Variants in PSMA3 observed in about 807,000 individuals in gnomAD.
PSMA3 encodes proteasome subunit alpha type-3.
PSMA3 carries 8 observed loss-of-function variants against 40.0 expected under a neutral mutation model. The ratio of observed to expected loss-of-function variants is 0.20; its 90% CI spans 0.12 to 0.36. The LOEUF is 0.36. PSMA3 is among the 10% of genes least tolerant of loss of function. The probability of loss-of-function intolerance (pLI) is 1.00; values close to 1 mark genes in which losing one functional copy is unlikely to be tolerated. For synonymous variants in PSMA3, 110 were observed against 100.0 expected, an observed-to-expected ratio of 1.10 and a Z score of -0.59; for missense variants, 219 against 310.6, an observed-to-expected ratio of 0.70 and a Z score of 2.22.
intron 6 of PSMA3, among the ~76,000 whole-genome samples, chr14:58,261,693 C>G (rs1379066616): frequency 6.6e-6 from 1 of 150,886 alleles, no homozygotes; most frequent in African/African-American, 2.4e-5. Context: ...TTCAGCCTCT[C>G]AACTCCTGGG....
rs535250753 is a variant in PSMA3, at chr14:58,257,606, T to TCTAA, written c.229-139_229-138insCTAA. 516 of 638,254 alleles carry TCTAA rather than the reference T, an allele frequency of 8.1e-4. 1 individual carries two copies. Among genetic ancestry groups the TCTAA allele is most frequent in the South Asian group, 6.9e-3 (337 of 48,962 alleles). 39.5% of individuals were successfully genotyped at this position (638,254 alleles called of 1,614,324 possible). A position where few individuals can be genotyped will look rare whatever the true frequency, so the allele number is the denominator to read the frequency against. ...CATACTCAAGCATCAAAATGCCTTG[T>TCTAA]AGAGAGACCTTTAAGCCAAAAAAGT... On this transcript the variant is annotated intron_variant, in intron 3 of 10. Transcript: ENST00000216455.
rs1489442918 is a variant in PSMA3 at position 58,257,802 on chromosome 14, G to A, written c.286G>A (p.Ala96Thr). The A allele has an allele frequency of 6.2e-7, 1 of 1,613,488 alleles. No individual in the cohort carries two copies. The highest frequency in any genetic ancestry group is 1.7e-5 in the Admixed American group (1 of 59,988). Residue 96 changes from alanine to threonine, a missense_variant, in exon 4 of 11, where the codon GCT becomes ACT. Transcript: ENST00000216455. ...RSLADIAREEASNFRSNFGYN... is the reference protein window; with the variant it reads ...RSLADIAREETSNFRSNFGYN... Reference sequence around the variant, plus strand: ...TTTAGCAGACATAGCAAGAGAAGAAGCTTCCAACTTCAGATCTAACTTTGG... The same window carrying A: ...TTTAGCAGACATAGCAAGAGAAGAAACTTCCAACTTCAGATCTAACTTTGG...
chr14:58,255,013 T>A (rs1890110945), intron 3 of PSMA3, among the ~76,000 whole-genome samples: 1 of 152,192 alleles, frequency 6.6e-6, no homozygotes, highest in Non-Finnish European at 1.5e-5. Flanking sequence ...CACTTTTAAA[T>A]TCTGTAACTG....
intron 3 of PSMA3, among the ~76,000 whole-genome samples, chr14:58,253,884 G>A (rs569561597): frequency 7.2e-5 from 11 of 152,326 alleles, no homozygotes; most frequent in East Asian, 5.8e-4. Context: ...GTGAGCCAGC[G>A]TGCCCAGCCT....
At chr14:58,253,580 G>C (rs1594825372) in intron 3 of PSMA3, among the ~76,000 whole-genome samples, 1 of 151,610 alleles carries the variant, frequency 6.6e-6, no homozygotes, top group East Asian at 1.9e-4. Flanking sequence ...TTTTTATTTT[G>C]CTGCAAATGA....
chr14:58,271,394 A>T (rs1890619767), intron 10 of PSMA3, among the ~76,000 whole-genome samples: 1 of 133,278 alleles, frequency 7.5e-6, no homozygotes, highest in African/African-American at 2.9e-5. Context: ...CAGTGGCACC[A>T]TCTCTGCTCA....
rs755966414 is a variant in PSMA3, at chr14:58,252,111, T to C, written c.105-8T>C. On this transcript the variant is annotated splice_polypyrimidine_tract_variant and splice_region_variant and intron_variant, in intron 2 of 10. Coordinates refer to ENST00000216455, the MANE Select transcript of PSMA3 (RefSeq NM_002788.4). ...GTTAAAAAACTGATTTTCTTCTCCTTGTTTCAGTACAGCTATTGGAATCAG... is the reference window on the plus strand; with the variant it reads ...GTTAAAAAACTGATTTTCTTCTCCTCGTTTCAGTACAGCTATTGGAATCAG... 8.2e-6 allele frequency: 13 copies of C among 1,584,152 alleles called. No homozygotes were observed. The highest frequency in any genetic ancestry group is 5.9e-5 in the South Asian group (5 of 84,660).
chr14:58,257,596 A>G (rs1057329369), intron 3 of PSMA3, 149 bp from the exon 4 acceptor site: 54 of 599,174 alleles, frequency 9.0e-5, no homozygotes, highest in African/African-American at 6.9e-4. Flanking sequence ...TCAAGCATCA[A>G]AATGCCTTGT....
In PSMA3 at chr14:58,244,872, G is replaced by A. The variant is rs772760714; in HGVS notation, c.-49G>A. 3 of 1,614,136 alleles carry A rather than the reference G, an allele frequency of 1.9e-6. No homozygotes were observed. The highest frequency in any genetic ancestry group is 2.2e-5 in the South Asian group (2 of 91,080). On this transcript the variant is annotated 5_prime_UTR_variant, in exon 1 of 11. Coordinates refer to ENST00000216455, the MANE Select transcript of PSMA3 (RefSeq NM_002788.4). ...GTTTGCGGCATCCTGTGGTATAGGG[G>A]AAGCGCTCCGGGCCTGGAATCCCTA...
At chr14:58,267,548 CA>C in intron 8 of PSMA3, 28 bp downstream of exon 8, 3 of 1,558,398 alleles carry the variant, frequency 1.9e-6, no homozygotes, top group Admixed American at 2.0e-5. Context: ...TTACCATCCA[CA>C]AAAATATTTC....
chr14:58,266,674 A>G (rs1262692187), intron 7 of PSMA3: 1 of 152,186 alleles, frequency 6.6e-6, no homozygotes, highest in Non-Finnish European at 1.5e-5. Context: ...ATCAAATCCA[A>G]TCCAATCTAT....
intron 5 of PSMA3, chr14:58,258,265 C>T (rs1379630363): frequency 3.0e-6 from 1 of 335,322 alleles, no homozygotes; most frequent in Non-Finnish European, 5.6e-6. Context: ...CAGTGAGAAC[C>T]TATCTCTACA....
intron 8 of PSMA3, chr14:58,267,731 G>C: frequency 4.3e-6 from 4 of 927,484 alleles, no homozygotes; most frequent in Non-Finnish European, 5.5e-6. Flanking sequence ...GGGAAAAATA[G>C]CTTGACAAAA....
chr14:58,245,714 T>C (rs991734543), intron 1 of PSMA3, among the ~76,000 whole-genome samples: 1 of 152,248 alleles, frequency 6.6e-6, no homozygotes, highest in African/African-American at 2.4e-5. Flanking sequence ...CTTCTCTATA[T>C]AGAAAATACA....
At chr14:58,251,114 A>G (rs747562395) in intron 2 of PSMA3, among the ~76,000 whole-genome samples, 6 of 152,182 alleles carry the variant, frequency 3.9e-5, no homozygotes, top group Admixed American at 1.3e-4. Context: ...AAAAAAGAAG[A>G]AAGAGAAAGT....
chr14:58,257,411 T>C (rs1307765297), intron 3 of PSMA3, among the ~76,000 whole-genome samples: 2 of 151,528 alleles, frequency 1.3e-5, no homozygotes, highest in Admixed American at 6.6e-5. Context: ...GGCAGGAGAA[T>C]GGCATGAACC....
chr14:58,252,318 TG>T, intron 3 of PSMA3, 76 bp downstream of exon 3: 3 of 1,513,896 alleles, frequency 2.0e-6, no homozygotes, highest in Non-Finnish European at 1.8e-6. Context: ...TAGATCACTG[TG>T]CAGTCACAAA....
At chr14:58,259,275 A>G (rs1287988516) in intron 5 of PSMA3, among the ~76,000 whole-genome samples, 1 of 152,134 alleles carries the variant, frequency 6.6e-6, no homozygotes, top group Non-Finnish European at 1.5e-5. Flanking sequence ...TAAGGGAGTA[A>G]GAATAGTAGA....
At chr14:58,262,394 C>A (rs1171498649) in intron 6 of PSMA3, among the ~76,000 whole-genome samples, 1 of 151,994 alleles carries the variant, frequency 6.6e-6, no homozygotes, top group East Asian at 1.9e-4. Flanking sequence ...TCAGTAGAGA[C>A]GAGGTTTCAC....
Sources: gnomAD v4.1 joint callset for allele counts (sites outside exome capture counted in the v4.1 genomes callset) on GRCh38, gnomAD v4.1.1 for gene constraint, MANE v1.5 for transcripts, NCBI Gene and HGNC (gene_info 2026-07-23, HGNC 2026-07-21) for gene names.